The following SUPT20H variants were observed in gnomAD, a reference collection of about 807,000 sequenced individuals.
SUPT20H encodes the protein SPT20 homolog, SAGA complex component.
Under a neutral mutation model 122.8 loss-of-function variants are expected in SUPT20H, and 82 were observed. That is an observed-to-expected ratio of 0.67 (90% CI 0.56 to 0.80). The LOEUF is 0.80. SUPT20H is among the 30% of genes least tolerant of loss of function. The probability of loss-of-function intolerance (pLI) is 0.00; values close to 1 mark genes in which losing one functional copy is unlikely to be tolerated. For synonymous variants in SUPT20H, 291 were observed against 313.0 expected (o/e 0.93, Z 0.74); for missense variants, 831 against 921.6 (o/e 0.90, Z 1.27).
intron 24 of SUPT20H, among the ~76,000 whole-genome samples, chr13:37,011,665 G>C (rs2059655503): frequency 6.6e-6 from 1 of 151,974 alleles, no homozygotes; most frequent in African/African-American, 2.4e-5. Context: ...CAACTGACAG[G>C]ATAATCATTA....
intron 7 of SUPT20H, among the ~76,000 whole-genome samples, chr13:37,043,284 G>GA (rs932178179): frequency 6.6e-6 from 1 of 152,178 alleles, no homozygotes; most frequent in Non-Finnish European, 1.5e-5. Context: ...GTGCTAGGAG[G>GA]AAACGAGAGT....
At chr13:37,029,909 C>G (rs935355289) in intron 12 of SUPT20H, 73 bp from the exon 13 acceptor site, 1 of 1,211,716 alleles carries the variant, frequency 8.3e-7, no homozygotes, top group Non-Finnish European at 1.2e-6. Context: ...GTATTCTGAT[C>G]AAAGAGAAGA....
chr13:37,019,513 T>C, intron 21 of SUPT20H, 116 bp from the exon 22 acceptor site: 1 of 557,992 alleles, frequency 1.8e-6, no homozygotes, highest in East Asian at 3.5e-5. Context: ...ATAGATGTGC[T>C]TATTTTCCAT....
At chr13:37,048,633 A>G in intron 2 of SUPT20H, 34 bp from the exon 3 acceptor site, 1 of 1,559,362 alleles carries the variant, frequency 6.4e-7, no homozygotes, top group Non-Finnish European at 8.7e-7. Flanking sequence ...TGGTAATATT[A>G]GTTATTTCCA....
rs185141310 is a variant in SUPT20H at position 37,017,391 on chromosome 13, C to G, written c.1873-27G>C. On this transcript the variant is annotated intron_variant, in intron 22 of 25. Transcript: ENST00000350612. Reference sequence around the variant, plus strand: ...TATTAAGAATTTAAACAAAAATTAACCAATTTCACATGATTTTATATCAAA... The same window carrying G: ...TATTAAGAATTTAAACAAAAATTAAGCAATTTCACATGATTTTATATCAAA... The G allele has an allele frequency of 8.8e-6, 14 of 1,584,172 alleles. No individual in the cohort carries two copies. In the East Asian group the frequency reaches 2.9e-4, roughly 33 times the overall value.
intron 9 of SUPT20H, among the ~76,000 whole-genome samples, chr13:37,036,974 C>T (rs933920324): frequency 7.9e-5 from 12 of 151,938 alleles, no homozygotes; most frequent in Non-Finnish European, 1.8e-4. Context: ...GCGGGCAGAA[C>T]GCTTGAGCTC....
chr13:37,049,955 G>T (rs2067305506), intron 2 of SUPT20H, among the ~76,000 whole-genome samples: 1 of 152,040 alleles, frequency 6.6e-6, no homozygotes, highest in African/African-American at 2.4e-5. Context: ...CAAATTGCAT[G>T]TGGGTAAAAA....
intron 20 of SUPT20H, 21 bp downstream of exon 20, chr13:37,021,990 C>A: frequency 6.6e-7 from 1 of 1,525,084 alleles, no homozygotes; most frequent in South Asian, 1.3e-5. Flanking sequence ...AAAAAAAATC[C>A]GAACATCAAT....
intron 7 of SUPT20H, among the ~76,000 whole-genome samples, chr13:37,042,594 T>C (rs1392117273): frequency 1.3e-5 from 2 of 152,192 alleles, no homozygotes; most frequent in East Asian, 1.9e-4. Flanking sequence ...GACGCAGTTA[T>C]ATCCACTGAT....
intron 9 of SUPT20H, among the ~76,000 whole-genome samples, chr13:37,037,323 G>A (rs1364014590): frequency 1.3e-5 from 2 of 152,170 alleles, no homozygotes; most frequent in African/African-American, 4.8e-5. Flanking sequence ...TAACCTCTGT[G>A]TTGTTCAAGG....
At position 37,022,113 on chromosome 13, in the gene SUPT20H, G is replaced by C. The variant is rs2061535404; in HGVS notation, c.1592-33C>G. 1 of 1,614,040 alleles carries C rather than the reference G, an allele frequency of 6.2e-7. No individual in the cohort carries two copies. The highest frequency in any genetic ancestry group is 1.3e-5 in the African/African-American group (1 of 74,922). On this transcript the variant is annotated intron_variant, in intron 19 of 25. Coordinates refer to ENST00000350612, the MANE Select transcript of SUPT20H (RefSeq NM_001014286.3). The surrounding 1 kb of genome is among the most constrained non-coding windows in gnomAD (Gnocchi z 4.5). ...TATAGATGTTACCATGGTGGAAAGA[G>C]GAATGGTTGTTACAGGCATTGCCTG...
At chr13:37,043,833 C>T (rs2065935445) in intron 7 of SUPT20H, among the ~76,000 whole-genome samples, 1 of 150,642 alleles carries the variant, frequency 6.6e-6, no homozygotes, top group Non-Finnish European at 1.5e-5. Flanking sequence ...CTCCTGGGCT[C>T]AAGTGATCCT....
intron 24 of SUPT20H, among the ~76,000 whole-genome samples, chr13:37,011,556 T>TA (rs1253939455): frequency 6.6e-6 from 1 of 152,206 alleles, no homozygotes. Flanking sequence ...ACATATGGCT[T>TA]ACTCTTTTAA....
chr13:37,010,722 A>C, intron 24 of SUPT20H, 67 bp from the exon 25 acceptor site: 1 of 1,098,880 alleles, frequency 9.1e-7, no homozygotes, highest in Non-Finnish European at 1.4e-6. Flanking sequence ...TTAGAAAAGG[A>C]CAACATAGAA....
In SUPT20H at chr13:37,024,887, T is replaced by A. The variant is rs113601681; in HGVS notation, c.1329+433A>T. 6.4e-5 allele frequency: 11 copies of A among 171,732 alleles called. No homozygotes were observed. The East Asian group carries it at 8.9e-4, about 14-fold the overall frequency. 10.6% of individuals were successfully genotyped at this position (171,732 alleles called of 1,614,324 possible). A position where few individuals can be genotyped will look rare whatever the true frequency, so the allele number is the denominator to read the frequency against. On this transcript the variant is annotated intron_variant, in intron 17 of 25. Coordinates refer to ENST00000350612, the MANE Select transcript of SUPT20H (RefSeq NM_001014286.3). ...CATGTTATAAAGAGTTAAATAATTT[T>A]AAAAAAAGGTAAAAGTAGAAACAAA... is the stretch of plus-strand genomic sequence containing the variant.
chr13:37,020,760 T>C (rs1394335411), intron 21 of SUPT20H, among the ~76,000 whole-genome samples: 2 of 152,218 alleles, frequency 1.3e-5, no homozygotes, highest in African/African-American at 4.8e-5. Context: ...TACATTTTTC[T>C]TCAAGTGAAA....
At chr13:37,041,759 C>T (rs2065511197) in intron 7 of SUPT20H, among the ~76,000 whole-genome samples, 1 of 152,134 alleles carries the variant, frequency 6.6e-6, no homozygotes, top group South Asian at 2.1e-4. Flanking sequence ...TATCCAGGTA[C>T]AGCTTCACAG....
intron 16 of SUPT20H, 42 bp downstream of exon 16, chr13:37,026,161 TC>T (rs748944777): frequency 6.5e-7 from 1 of 1,548,590 alleles, no homozygotes; most frequent in East Asian, 2.5e-5. Context: ...GAAAAATTTT[TC>T]ATATCCATCC....
intron 1 of SUPT20H, among the ~76,000 whole-genome samples, chr13:37,053,409 AAACT>A (rs2068176877): frequency 6.6e-6 from 1 of 152,124 alleles, no homozygotes; most frequent in South Asian, 2.1e-4. Flanking sequence ...CATCCTCAGC[AAACT>A]AACACAGGAA....
Sources: gnomAD v4.1 joint callset for allele counts (sites outside exome capture counted in the v4.1 genomes callset) on GRCh38, gnomAD v4.1.1 for gene constraint, Gnocchi (gnomAD v3.1) non-coding constraint, MANE v1.5 for transcripts, NCBI Gene and HGNC (gene_info 2026-07-23, HGNC 2026-07-21) for gene names.